DYNC2I1: variants seen among roughly 807,000 people sequenced by gnomAD.
The protein encoded by DYNC2I1 is cytoplasmic dynein 2 intermediate chain 1.
DYNC2I1 carries 89 observed loss-of-function variants against 133.4 expected under a neutral mutation model. The observed-to-expected ratio is 0.67, with a 90% CI of 0.56 to 0.80. The LOEUF (loss-of-function observed/expected upper bound fraction) is 0.80, where lower values mean the gene tolerates loss of function less well. Ranked by LOEUF, DYNC2I1 falls within the 30% of genes least tolerant of loss-of-function variation. DYNC2I1 has a pLI of 0.00. For synonymous variants in DYNC2I1, 504 were observed against 484.3 expected (o/e 1.04, Z -0.54); for missense variants, 1,291 against 1,314.5 (o/e 0.98, Z 0.28).
intron 5 of DYNC2I1, 102 bp downstream of exon 5, chr7:158,880,091 G>A (rs1361074212): frequency 1.5e-6 from 2 of 1,356,458 alleles, no homozygotes; most frequent in Non-Finnish European, 2.0e-6. Context: ...GAGATTTGTG[G>A]CCTAGTAGTA....
chr7:158,944,457 A>C (rs759306925), intron 24 of DYNC2I1, among the ~76,000 whole-genome samples: 2 of 152,172 alleles, frequency 1.3e-5, no homozygotes, highest in African/African-American at 2.4e-5. Context: ...ACCGTCTGTT[A>C]CTGATGTTTT....
intron 3 of DYNC2I1, among the ~76,000 whole-genome samples, chr7:158,872,425 G>A (rs146726890): frequency 2.5e-3 from 377 of 152,270 alleles, no homozygotes; most frequent in Middle Eastern, 0.01. Flanking sequence ...CTGAGGTCAG[G>A]AGTTCGAAAC....
At chr7:158,943,855 A>C (rs1010461108) in intron 24 of DYNC2I1, among the ~76,000 whole-genome samples, 2 of 152,146 alleles carry the variant, frequency 1.3e-5, no homozygotes, top group African/African-American at 4.8e-5. Flanking sequence ...CTAACCCCTC[A>C]GCAGTGCCGG....
chr7:158,921,503 C>T (rs1849088264), intron 15 of DYNC2I1, among the ~76,000 whole-genome samples: 1 of 152,172 alleles, frequency 6.6e-6, no homozygotes, highest in South Asian at 2.1e-4. Context: ...AACCTCATCC[C>T]ACTAAAAACA....
intron 6 of DYNC2I1, among the ~76,000 whole-genome samples, chr7:158,885,000 G>C (rs1010399983): frequency 1.3e-5 from 2 of 152,172 alleles, no homozygotes; most frequent in African/African-American, 4.8e-5. Context: ...GTCACTTAAT[G>C]TGCAAGAGGG....
chr7:158,915,872 C>G (rs1440012001), intron 14 of DYNC2I1, among the ~76,000 whole-genome samples: 1 of 150,156 alleles, frequency 6.7e-6, no homozygotes, highest in Admixed American at 6.6e-5. Flanking sequence ...GATTGTGAAA[C>G]GTCGACACGC....
chr7:158,880,758 C>T (rs867774511), intron 5 of DYNC2I1, among the ~76,000 whole-genome samples: 1 of 152,104 alleles, frequency 6.6e-6, no homozygotes, highest in Non-Finnish European at 1.5e-5. Flanking sequence ...TGGTTTCATC[C>T]CTGTACTTAG....
downstream of DYNC2I1, among the ~76,000 whole-genome samples, chr7:158,948,350 G>A (rs1280902715): frequency 8.5e-5 from 13 of 152,182 alleles, no homozygotes; most frequent in Admixed American, 4.6e-4. Context: ...GGCAGACAGC[G>A]GTAATTTAAT....
chr7:158,848,023 T>C, the DYNC2I1 span, among the ~76,000 whole-genome samples: 1 of 152,208 alleles, frequency 6.6e-6, no homozygotes, highest in African/African-American at 2.4e-5. Flanking sequence ...AAGACAGATA[T>C]GGACAGTATC....
rs1455011915 is a variant in DYNC2I1, at chr7:158,856,837, C to T, written c.15+87C>T. 3.3e-6 allele frequency: 4 copies of T among 1,211,672 alleles called. No homozygotes were observed. The South Asian group carries it at 1.3e-4, about 38-fold the overall frequency. 75.1% of individuals were successfully genotyped at this position (1,211,672 alleles called of 1,614,324 possible). A position where few individuals can be genotyped will look rare whatever the true frequency, so the allele number is the denominator to read the frequency against. On this transcript the variant is annotated intron_variant, in intron 1 of 24. Coordinates refer to ENST00000407559, the MANE Select transcript of DYNC2I1 (RefSeq NM_018051.5). ...GCTAGCAGCGCCGCCGCCGCCCTCC[C>T]TTTGCGCAGCGGTTCTCTCGGCCGG...
At chr7:158,872,528 A>T (rs1842976736) in intron 3 of DYNC2I1, among the ~76,000 whole-genome samples, 1 of 151,856 alleles carries the variant, frequency 6.6e-6, no homozygotes, top group South Asian at 2.1e-4. Flanking sequence ...CCAGCTACTC[A>T]GTAGGCTGAG....
chr7:158,879,649 T>C, intron 4 of DYNC2I1, 35 bp from the exon 5 acceptor site: 3 of 1,530,636 alleles, frequency 2.0e-6, no homozygotes, highest in Non-Finnish European at 2.6e-6. Flanking sequence ...CTATTTGATG[T>C]GCTCCTGTGT....
intron 16 of DYNC2I1, 55 bp downstream of exon 16, chr7:158,922,604 G>A: frequency 1.3e-6 from 2 of 1,549,474 alleles, no homozygotes; most frequent in Non-Finnish European, 1.8e-6. Context: ...AGTGGACAGA[G>A]CGTGAAGGTG....
intron 23 of DYNC2I1, among the ~76,000 whole-genome samples, chr7:158,938,323 A>G (rs1850972565): frequency 6.6e-6 from 1 of 152,228 alleles, no homozygotes; most frequent in African/African-American, 2.4e-5. Flanking sequence ...TGACATTTTC[A>G]AAGTGCTAAA....
Position 158,927,185 on chromosome 7 carries a change from T to C in DYNC2I1, c.2485+142T>C, listed in dbSNP as rs1849707553. On this transcript the variant is annotated intron_variant, in intron 20 of 24. Coordinates refer to ENST00000407559, the MANE Select transcript of DYNC2I1 (RefSeq NM_018051.5). ...GGGAGGCTGAGGAAGGAGGATTGCT[T>C]GAGCCCAGGAGTTCCAGACCAGCCT... The C allele has an allele frequency of 9.8e-6, 6 of 614,802 alleles. No homozygotes were observed. The East Asian group carries it at 1.7e-4, about 18-fold the overall frequency. The allele number at this position is 614,802 out of a possible 1,614,324, so 38.1% of individuals were successfully genotyped here. A position where few individuals can be genotyped will look rare whatever the true frequency, so the allele number is the denominator to read the frequency against.
At position 158,879,938 on chromosome 7, in the gene DYNC2I1, G is replaced by A; in HGVS notation, c.828G>A (p.Val276=). 3.1e-6 allele frequency: 5 copies of A among 1,605,564 alleles called. No homozygotes were observed. In the South Asian group the frequency reaches 4.4e-5, roughly 14 times the overall value. ...ATGATGAGAGGCACCAAAGCAACGT[G>A]GATAGAAAAGAGAAATCGGCAAAAG... The part of the protein sequence containing the change: ...HFDDERHQSN[V]DRKEKSAKDE... Residue 276 remains valine (V), a synonymous_variant, in exon 5 of 25, where the codon GTG becomes GTA. Transcript: ENST00000407559.
chr7:158,873,565 G>A (rs139135879), intron 3 of DYNC2I1, among the ~76,000 whole-genome samples: 9 of 152,186 alleles, frequency 5.9e-5, no homozygotes, highest in African/African-American at 1.9e-4. Flanking sequence ...GGAATGGATG[G>A]GTTAGTTGGG....
the DYNC2I1 span, among the ~76,000 whole-genome samples, chr7:158,845,777 T>C: frequency 1.1e-4 from 16 of 152,290 alleles, no homozygotes; most frequent in East Asian, 9.6e-4. Flanking sequence ...ATCAGGTAAA[T>C]GTAACAGAAC....
chr7:158,907,273 C>CTTTTTTT (rs36062364), intron 11 of DYNC2I1, among the ~76,000 whole-genome samples: 2 of 99,746 alleles, frequency 2.0e-5, no homozygotes, highest in African/African-American at 7.4e-5. Flanking sequence ...CCATGGCCTT[C>CTTTTTTT]TTTTTTTTTT....
Sources: allele counts gnomAD v4.1 joint callset (sites outside exome capture counted in the v4.1 genomes callset), GRCh38; gene constraint gnomAD v4.1.1; transcripts MANE v1.5; gene names NCBI Gene and HGNC (gene_info 2026-07-23, HGNC 2026-07-21).